PTPRD: variants seen among roughly 807,000 people sequenced by gnomAD.
The protein encoded by PTPRD is receptor-type tyrosine-protein phosphatase delta.
Under a neutral mutation model 214.5 loss-of-function variants are expected in PTPRD, and 34 were observed. That is an observed-to-expected ratio of 0.16 (90% CI 0.12 to 0.21). The LOEUF (loss-of-function observed/expected upper bound fraction) is 0.21. Ranked by LOEUF, PTPRD falls within the 10% of genes least tolerant of loss-of-function variation. The pLI is 1.00. For synonymous variants in PTPRD, 1,128 were observed against 845.7 expected, an observed-to-expected ratio of 1.33 and a Z score of -5.79; for missense variants, 2,545 against 2,398.7, an observed-to-expected ratio of 1.06 and a Z score of -1.27.
At chr9:10,319,777 G>A (rs1396835642) in intron 3 of PTPRD, among the ~76,000 whole-genome samples, 2 of 151,930 alleles carry the variant, frequency 1.3e-5, no homozygotes, top group South Asian at 2.1e-4. Context: ...CTTAAAGAGA[G>A]ATCACGAGAG....
intron 3 of PTPRD, among the ~76,000 whole-genome samples, chr9:10,337,351 A>G (rs1048057870): frequency 6.6e-6 from 1 of 151,842 alleles, no homozygotes; most frequent in African/African-American, 2.4e-5. Flanking sequence ...AACGTAGCAC[A>G]CTTTGCTCTT....
intron 2 of PTPRD, among the ~76,000 whole-genome samples, chr9:10,457,401 A>G (rs1588600763): frequency 6.6e-6 from 1 of 152,116 alleles, no homozygotes; most frequent in African/African-American, 2.4e-5. Flanking sequence ...TATATTCATG[A>G]AATTAGTCAT....
intron 23 of PTPRD, among the ~76,000 whole-genome samples, chr9:8,501,710 C>G (rs76371165): frequency 6.6e-6 from 1 of 152,314 alleles, no homozygotes; most frequent in East Asian, 1.9e-4. Flanking sequence ...AGCCCATATA[C>G]AGTGAGCATG....
chr9:9,373,705 G>C (rs1200963962), intron 9 of PTPRD, among the ~76,000 whole-genome samples: 1 of 151,914 alleles, frequency 6.6e-6, no homozygotes, highest in Non-Finnish European at 1.5e-5. Flanking sequence ...GATTACATTA[G>C]AGCCTATCAG....
intron 35 of PTPRD, among the ~76,000 whole-genome samples, chr9:8,405,099 A>G (rs907610494): frequency 1.1e-4 from 17 of 152,196 alleles, no homozygotes; most frequent in African/African-American, 4.1e-4. Flanking sequence ...ACTGGCTTCA[A>G]TGGACACAGG....
At chr9:9,934,117 G>C (rs562880354) in intron 5 of PTPRD, among the ~76,000 whole-genome samples, 24 of 149,898 alleles carry the variant, frequency 1.6e-4, no homozygotes, top group South Asian at 1.5e-3. Context: ...ACGCCCACAA[G>C]AGAAAGCAGG....
chr9:9,468,610 T>C (rs1357172872), intron 8 of PTPRD, among the ~76,000 whole-genome samples: 2 of 152,106 alleles, frequency 1.3e-5, no homozygotes, highest in South Asian at 2.1e-4. Flanking sequence ...TTTCAGTCTA[T>C]ATATGTTTCT....
intron 7 of PTPRD, among the ~76,000 whole-genome samples, chr9:9,589,919 G>T (rs1017453395): frequency 1.8e-4 from 28 of 151,848 alleles, no homozygotes; most frequent in African/African-American, 6.8e-4. Context: ...TATTTCTACA[G>T]GTCATCTCGG....
At chr9:10,507,576 G>A (rs2046453468) in intron 2 of PTPRD, among the ~76,000 whole-genome samples, 1 of 152,100 alleles carries the variant, frequency 6.6e-6, no homozygotes, top group South Asian at 2.1e-4. Context: ...AACCAAAACA[G>A]CATGCCACTG....
intron 11 of PTPRD, among the ~76,000 whole-genome samples, chr9:8,875,018 AG>A (rs1377250870): frequency 6.6e-6 from 1 of 152,186 alleles, no homozygotes. Flanking sequence ...TGTGCTCATC[AG>A]TGGTAGAGTC....
intron 9 of PTPRD, among the ~76,000 whole-genome samples, chr9:9,379,302 T>C (rs1168343909): frequency 1.3e-5 from 2 of 151,010 alleles, no homozygotes; most frequent in African/African-American, 4.8e-5. Flanking sequence ...TTATCTTTAC[T>C]CCATTGTATT....
intron 10 of PTPRD, among the ~76,000 whole-genome samples, chr9:9,130,541 G>GGAAT (rs2099841059): frequency 6.6e-6 from 1 of 152,032 alleles, no homozygotes; most frequent in Non-Finnish European, 1.5e-5. Context: ...TCAATATCTA[G>GGAAT]GAATGAAAGT....
At chr9:8,706,907 C>T (rs867935994) in intron 12 of PTPRD, among the ~76,000 whole-genome samples, 9 of 152,140 alleles carry the variant, frequency 5.9e-5, no homozygotes, top group Non-Finnish European at 1.2e-4. Flanking sequence ...CCACTGTCCC[C>T]GCTGGACAGC....
At chr9:9,886,811 GC>G (rs762149040) in intron 5 of PTPRD, among the ~76,000 whole-genome samples, 1 of 152,088 alleles carries the variant, frequency 6.6e-6, no homozygotes, top group Non-Finnish European at 1.5e-5. Flanking sequence ...CCTTACTGCT[GC>G]CATGCTTTGA....
At chr9:10,220,311 C>T (rs1036791632) in intron 3 of PTPRD, among the ~76,000 whole-genome samples, 13 of 151,770 alleles carry the variant, frequency 8.6e-5, no homozygotes, top group Admixed American at 4.6e-4. Flanking sequence ...GTTAATTATA[C>T]GAGCTTTCAC....
At chr9:9,959,709 A>G (rs925547421) in intron 4 of PTPRD, among the ~76,000 whole-genome samples, 2 of 152,202 alleles carry the variant, frequency 1.3e-5, no homozygotes, top group African/African-American at 2.4e-5. Flanking sequence ...GTTGTTTTCC[A>G]CAGGGTACAG....
chr9:9,966,418 T>C (rs952914590), intron 4 of PTPRD, among the ~76,000 whole-genome samples: 1 of 152,196 alleles, frequency 6.6e-6, no homozygotes, highest in African/African-American at 2.4e-5. Context: ...GGTAGGCGTG[T>C]GCTATGGCAG....
intron 9 of PTPRD, among the ~76,000 whole-genome samples, chr9:9,294,650 G>C (rs560438276): frequency 6.6e-6 from 1 of 151,580 alleles, no homozygotes; most frequent in South Asian, 2.1e-4. Flanking sequence ...TACCAAGATG[G>C]AGGCCGTCTA....
intron 3 of PTPRD, among the ~76,000 whole-genome samples, chr9:10,156,195 C>G (rs1049788152): frequency 6.6e-6 from 1 of 150,442 alleles, no homozygotes; most frequent in African/African-American, 2.4e-5. Context: ...TTGGTTTACT[C>G]TTGGTTCTCT....
Sources: allele counts gnomAD v4.1 joint callset (sites outside exome capture counted in the v4.1 genomes callset), GRCh38; gene constraint gnomAD v4.1.1; transcripts MANE v1.5; gene names NCBI Gene and HGNC (gene_info 2026-07-23, HGNC 2026-07-21).